The following PACRG variants were observed in gnomAD, a reference collection of about 807,000 sequenced individuals.
The protein encoded by PACRG is parkin coregulated, also known as parkin coregulated gene protein.
PACRG carries 29 observed loss-of-function variants against 29.7 expected under a neutral mutation model. That is an observed-to-expected ratio of 0.98 (90% CI 0.73 to 1.33). PACRG has a LOEUF of 1.33. PACRG is among the 40% of genes most tolerant of loss of function. The pLI is 0.00. For synonymous variants in PACRG, 116 were observed against 118.7 expected, an observed-to-expected ratio of 0.98 and a Z score of 0.15; for missense variants, 279 against 316.2, an observed-to-expected ratio of 0.88 and a Z score of 0.89.
chr6:163,199,859 C>T (rs1018602508), intron 4 of PACRG, among the ~76,000 whole-genome samples: 3 of 152,116 alleles, frequency 2.0e-5, no homozygotes, highest in Non-Finnish European at 2.9e-5. Context: ...TGTCTATATA[C>T]ATAGATAGCT....
At chr6:163,037,640 A>G (rs1050853384) in intron 2 of PACRG, among the ~76,000 whole-genome samples, 1 of 152,214 alleles carries the variant, frequency 6.6e-6, no homozygotes, top group African/African-American at 2.4e-5. Flanking sequence ...GAAACAAAGT[A>G]CAGCAGGGAA....
intron 2 of PACRG, among the ~76,000 whole-genome samples, chr6:162,869,684 A>G (rs1302640169): frequency 1.3e-5 from 2 of 152,218 alleles, no homozygotes; most frequent in Non-Finnish European, 2.9e-5. Flanking sequence ...TCAGAGTTGG[A>G]AAGCTAGACA....
intron 2 of PACRG, among the ~76,000 whole-genome samples, chr6:162,892,871 A>T (rs1794869030): frequency 6.7e-6 from 1 of 148,912 alleles, no homozygotes; most frequent in African/African-American, 2.5e-5. Flanking sequence ...GAGAAGAACC[A>T]CCTCAGCCTC....
rs1345372079 is a variant in PACRG, at chr6:162,728,243, C to T, written c.8C>T (p.Ala3Val). Reference protein sequence around the residue: MVAEKETLSLNKC... With the variant: MVVEKETLSLNKC... ...AAGACATTTTCTAGGAAGATGGTGGCAGAAAAAGAGACCCTGAGCTTAAAC... is the reference window on the plus strand; with the variant it reads ...AAGACATTTTCTAGGAAGATGGTGGTAGAAAAAGAGACCCTGAGCTTAAAC... Residue 3 changes from alanine to valine, a missense_variant, in exon 1 of 5, where the codon GCA becomes GTA. Coordinates refer to ENST00000366888, the MANE Select transcript of PACRG (RefSeq NM_001080379.2). 1 of 1,613,210 alleles carries T rather than the reference C, an allele frequency of 6.2e-7. No homozygotes were observed. Among genetic ancestry groups the T allele is most frequent in the East Asian group, 2.2e-5 (1 of 44,868 alleles).
At chr6:163,226,175 A>C (rs1781787536) in intron 4 of PACRG, among the ~76,000 whole-genome samples, 1 of 152,248 alleles carries the variant, frequency 6.6e-6, no homozygotes, top group African/African-American at 2.4e-5. Context: ...AGAAGCAGAG[A>C]GTAGAACGGT....
intron 4 of PACRG, among the ~76,000 whole-genome samples, chr6:163,205,216 T>G (rs1450885169): frequency 6.6e-6 from 1 of 152,184 alleles, no homozygotes; most frequent in East Asian, 1.9e-4. Flanking sequence ...GAAAAAACAA[T>G]TTTAAAATTT....
intron 4 of PACRG, among the ~76,000 whole-genome samples, chr6:163,283,590 G>A (rs1448315680): frequency 6.6e-6 from 1 of 150,534 alleles, no homozygotes; most frequent in Non-Finnish European, 1.5e-5. Flanking sequence ...CATGAGGTCA[G>A]GAGATCGAGA....
chr6:162,860,151 T>C (rs1791745312), intron 2 of PACRG, among the ~76,000 whole-genome samples: 1 of 152,166 alleles, frequency 6.6e-6, no homozygotes, highest in South Asian at 2.1e-4. Flanking sequence ...ATTTATATCA[T>C]CTATAAAGGG....
intron 4 of PACRG, among the ~76,000 whole-genome samples, chr6:163,198,786 G>A (rs1780579515): frequency 6.6e-6 from 1 of 152,170 alleles, no homozygotes; most frequent in Non-Finnish European, 1.5e-5. Flanking sequence ...CACAGCCTCA[G>A]GAAGTTGTGA....
chr6:163,261,599 G>A lies in PACRG; in HGVS notation c.614-53228G>A, dbSNP rs768751448. Among the ~76,000 whole-genome samples, 57 of 152,292 alleles carry A rather than the reference G, an allele frequency of 3.7e-4. No individual in the cohort carries two copies. The Middle Eastern group carries it at 0.01, about 27-fold the overall frequency. ...CAGTGCTTATGCTGTGCTGAGCCAGGCACTCGCAGGACACTCGGCCCTGCT... is the reference window on the plus strand; with the variant it reads ...CAGTGCTTATGCTGTGCTGAGCCAGACACTCGCAGGACACTCGGCCCTGCT... On this transcript the variant is annotated intron_variant, in intron 4 of 4. Coordinates refer to ENST00000366888, the MANE Select transcript of PACRG (RefSeq NM_001080379.2).
intron 2 of PACRG, among the ~76,000 whole-genome samples, chr6:162,988,749 T>A (rs1267505813): frequency 6.6e-6 from 1 of 152,148 alleles, no homozygotes; most frequent in Admixed American, 6.5e-5. Context: ...TAAACTATGG[T>A]GCAATCTCTT....
intron 2 of PACRG, among the ~76,000 whole-genome samples, chr6:163,021,888 A>C (rs1295707031): frequency 6.6e-6 from 1 of 152,248 alleles, no homozygotes; most frequent in Non-Finnish European, 1.5e-5. Context: ...CATCAGAATA[A>C]TGTGTTTACT....
intron 2 of PACRG, among the ~76,000 whole-genome samples, chr6:163,038,768 G>A (rs1444478601): frequency 1.3e-5 from 2 of 152,144 alleles, no homozygotes; most frequent in African/African-American, 4.8e-5. Flanking sequence ...AGGCACTGCT[G>A]TTACAGAGGG....
At chr6:163,172,790 T>TA (rs1562949215) in intron 4 of PACRG, among the ~76,000 whole-genome samples, 1 of 152,202 alleles carries the variant, frequency 6.6e-6, no homozygotes, top group Non-Finnish European at 1.5e-5. Flanking sequence ...TTTAAAATAT[T>TA]AAAAAACTTG....
At chr6:163,103,257 A>G (rs1348063053) in intron 4 of PACRG, among the ~76,000 whole-genome samples, 2 of 152,172 alleles carry the variant, frequency 1.3e-5, no homozygotes, top group African/African-American at 2.4e-5. Flanking sequence ...ATCAGTTCTA[A>G]TGGTTGCAGG....
intron 2 of PACRG, among the ~76,000 whole-genome samples, chr6:162,956,501 A>C (rs916287001): frequency 2.0e-5 from 3 of 152,232 alleles, no homozygotes; most frequent in Non-Finnish European, 2.9e-5. Flanking sequence ...AGGGAGGCTC[A>C]AAACAGCAGA....
intron 1 of PACRG, among the ~76,000 whole-genome samples, chr6:162,738,637 T>C (rs187858922): frequency 6.6e-6 from 1 of 152,328 alleles, no homozygotes; most frequent in East Asian, 1.9e-4. Flanking sequence ...GGCATAGCAC[T>C]ATACTGTATT....
At chr6:163,077,872 CAG>C (rs1812689557) in intron 3 of PACRG, among the ~76,000 whole-genome samples, 1 of 152,048 alleles carries the variant, frequency 6.6e-6, no homozygotes, top group Non-Finnish European at 1.5e-5. Flanking sequence ...CCTGTATGAA[CAG>C]GGGAATGAGG....
At chr6:162,987,451 A>G (rs1490007188) in intron 2 of PACRG, among the ~76,000 whole-genome samples, 1 of 152,102 alleles carries the variant, frequency 6.6e-6, no homozygotes, top group African/African-American at 2.4e-5. Flanking sequence ...TCCACATGTC[A>G]TGGGAGGGAG....
Sources: gnomAD v4.1 joint callset for allele counts (sites outside exome capture counted in the v4.1 genomes callset) on GRCh38, gnomAD v4.1.1 for gene constraint, MANE v1.5 for transcripts, NCBI Gene and HGNC (gene_info 2026-07-23, HGNC 2026-07-21) for gene names.